Variants in ELAVL2 observed in about 807,000 individuals in gnomAD.
ELAVL2 encodes the protein ELAV like RNA binding protein 2.
A neutral mutation model predicts 34.6 loss-of-function variants in ELAVL2; 4 were observed. The ratio of observed to expected loss-of-function variants is 0.12; its 90% CI spans 0.06 to 0.26. The LOEUF is 0.26. Among genes scored for constraint, ELAVL2 ranks in the 10% least tolerant of loss-of-function variants. The pLI is 1.00. For synonymous variants in ELAVL2, 193 were observed against 154.8 expected, an observed-to-expected ratio of 1.25 and a Z score of -1.83; for missense variants, 432 against 442.8, an observed-to-expected ratio of 0.98 and a Z score of 0.22.
chr9:23,812,444 C>T (rs952853251), intron 1 of ELAVL2, among the ~76,000 whole-genome samples: 1 of 152,114 alleles, frequency 6.6e-6, no homozygotes, highest in South Asian at 2.1e-4. Flanking sequence ...ACGGGAATGA[C>T]TCCCAATCTT....
rs1228102541 is a variant in ELAVL2 at position 23,739,153 on chromosome 9, G to C, written c.230-8028C>G. Among the ~76,000 whole-genome samples the C allele has an allele frequency of 3.3e-5, 5 of 152,240 alleles. No individual in the cohort carries two copies. The East Asian group carries it at 9.6e-4, about 29-fold the overall frequency. On this transcript the variant is annotated intron_variant, in intron 2 of 6. Coordinates refer to ENST00000397312, the MANE Select transcript of ELAVL2 (RefSeq NM_004432.5). Reference sequence around the variant, plus strand: ...AGATGAGGAAAAATTATGTGCAGTAGGAAAATAAACCAATTCCTCTACAAC... The same window carrying C: ...AGATGAGGAAAAATTATGTGCAGTACGAAAATAAACCAATTCCTCTACAAC...
chr9:23,781,302 A>ACTT (rs1474425333), intron 1 of ELAVL2, among the ~76,000 whole-genome samples: 6 of 152,182 alleles, frequency 3.9e-5, no homozygotes, highest in African/African-American at 7.2e-5. Context: ...TCAAACTGCC[A>ACTT]TTATCACTGC....
At chr9:23,825,428 G>A (rs561230100) in intron 1 of ELAVL2, among the ~76,000 whole-genome samples, 2 of 152,160 alleles carry the variant, frequency 1.3e-5, no homozygotes, top group East Asian at 1.9e-4. Flanking sequence ...AGCCTCTCCC[G>A]TCCTTCCGTT....
At chr9:23,814,388 C>A (rs144025921) in intron 1 of ELAVL2, among the ~76,000 whole-genome samples, 7 of 152,190 alleles carry the variant, frequency 4.6e-5, no homozygotes, top group African/African-American at 1.7e-4. Context: ...AAGCACAAGG[C>A]TAAAAGGATA....
the ELAVL2 span, among the ~76,000 whole-genome samples, chr9:23,837,809 G>GA: frequency 6.6e-6 from 1 of 152,136 alleles, no homozygotes; most frequent in Non-Finnish European, 1.5e-5. Flanking sequence ...TTTCATTTCA[G>GA]AAATAATCAT....
At chr9:23,715,098 A>G (rs1279879639) in intron 3 of ELAVL2, among the ~76,000 whole-genome samples, 2 of 152,176 alleles carry the variant, frequency 1.3e-5, no homozygotes, top group African/African-American at 2.4e-5. Flanking sequence ...TATCTCACAT[A>G]GTCCCACCCA....
At chr9:23,746,813 T>G (rs937639476) in intron 2 of ELAVL2, among the ~76,000 whole-genome samples, 10 of 128,626 alleles carry the variant, frequency 7.8e-5, no homozygotes, top group Non-Finnish European at 1.1e-4. Context: ...CCATGTAAAC[T>G]GAAAAAGAAA....
intron 5 of ELAVL2, among the ~76,000 whole-genome samples, chr9:23,695,811 T>A (rs2034968331): frequency 1.3e-5 from 2 of 152,184 alleles, no homozygotes; most frequent in African/African-American, 4.8e-5. Context: ...TTTTTTGCAG[T>A]CTACTATATT....
At chr9:23,759,846 T>C (rs2135943271) in intron 2 of ELAVL2, among the ~76,000 whole-genome samples, 1 of 146,420 alleles carries the variant, frequency 6.8e-6, no homozygotes, top group African/African-American at 2.5e-5. Flanking sequence ...ATGACCATTG[T>C]GGAATTTCTT....
chr9:23,735,980 C>G (rs2134863601), intron 2 of ELAVL2, among the ~76,000 whole-genome samples: 1 of 152,326 alleles, frequency 6.6e-6, no homozygotes, highest in Non-Finnish European at 1.5e-5. Context: ...TAATTCAAAG[C>G]ATCAGCTATT....
At chr9:23,701,296 C>T (rs1279741288) in intron 5 of ELAVL2, 83 bp downstream of exon 5, 1 of 1,434,948 alleles carries the variant, frequency 7.0e-7, no homozygotes, top group East Asian at 2.3e-5. Flanking sequence ...AACCAGAGAT[C>T]CTGTCAATAA....
chr9:23,716,201 A>T (rs1312070402), intron 3 of ELAVL2, among the ~76,000 whole-genome samples: 1 of 151,772 alleles, frequency 6.6e-6, no homozygotes, highest in Admixed American at 6.6e-5. Flanking sequence ...GCATTAGGAG[A>T]TATACCTAAT....
the ELAVL2 span, among the ~76,000 whole-genome samples, chr9:23,846,473 T>C: frequency 6.6e-6 from 1 of 151,982 alleles, no homozygotes; most frequent in Non-Finnish European, 1.5e-5. Context: ...TTAAATCCCA[T>C]TTTAGTCATT....
At chr9:23,818,534 C>T (rs1289747397) in intron 1 of ELAVL2, among the ~76,000 whole-genome samples, 2 of 152,124 alleles carry the variant, frequency 1.3e-5, no homozygotes, top group African/African-American at 2.4e-5. Context: ...TTGACCTGTC[C>T]AGCTGAGTAG....
intron 1 of ELAVL2, among the ~76,000 whole-genome samples, chr9:23,773,434 C>CA (rs1588345743): frequency 6.6e-6 from 1 of 152,154 alleles, no homozygotes; most frequent in East Asian, 1.9e-4. Flanking sequence ...TCCCGCTTTG[C>CA]AAGTTGTCTT....
intron 3 of ELAVL2, among the ~76,000 whole-genome samples, chr9:23,713,575 C>T (rs932735030): frequency 6.6e-5 from 10 of 152,122 alleles, no homozygotes; most frequent in African/African-American, 2.4e-4. Context: ...TAGCTCTCTG[C>T]ATTAGAAAAT....
chr9:23,800,486 T>C (rs2061451149), intron 1 of ELAVL2, among the ~76,000 whole-genome samples: 1 of 152,136 alleles, frequency 6.6e-6, no homozygotes, highest in African/African-American at 2.4e-5. Flanking sequence ...GCAGAACATG[T>C]CCAGCCTAGC....
At chr9:23,719,378 C>A (rs939480334) in intron 3 of ELAVL2, among the ~76,000 whole-genome samples, 28 of 152,246 alleles carry the variant, frequency 1.8e-4, no homozygotes, top group African/African-American at 6.7e-4. Context: ...TTACCCCTCA[C>A]CTTCACAGTT....
chr9:23,760,970 G>A (rs776669176), intron 2 of ELAVL2, among the ~76,000 whole-genome samples: 5 of 151,890 alleles, frequency 3.3e-5, no homozygotes, highest in Non-Finnish European at 7.4e-5. Flanking sequence ...CTTAGAAATG[G>A]CCCAGTGTTA....
Sources: gnomAD v4.1 joint callset for allele counts (sites outside exome capture counted in the v4.1 genomes callset) on GRCh38, gnomAD v4.1.1 for gene constraint, MANE v1.5 for transcripts, NCBI Gene and HGNC (gene_info 2026-07-23, HGNC 2026-07-21) for gene names.